The following ZNF429 variants were observed in gnomAD, a reference collection of about 807,000 sequenced individuals.
ZNF429 encodes the protein zinc finger protein 429.
A neutral mutation model predicts 56.8 loss-of-function variants in ZNF429; 53 were observed. That is an observed-to-expected ratio of 0.93 (90% CI 0.75 to 1.17). The LOEUF (loss-of-function observed/expected upper bound fraction) is 1.17. ZNF429 is among the 50% of genes most tolerant of loss of function. ZNF429 has a pLI of 0.00. For synonymous variants in ZNF429, 278 were observed against 264.7 expected, an observed-to-expected ratio of 1.05 and a Z score of -0.49; for missense variants, 849 against 788.4, an observed-to-expected ratio of 1.08 and a Z score of -0.92.
At chr19:21,525,407 C>T (rs1228371444) in intron 1 of ZNF429, among the ~76,000 whole-genome samples, 2 of 148,806 alleles carry the variant, frequency 1.3e-5, no homozygotes, top group Non-Finnish European at 3.0e-5. Flanking sequence ...CTGGAAGTAC[C>T]CCCACTGGCA....
At chr19:21,532,160 A>G in intron 3 of ZNF429, among the ~76,000 whole-genome samples, 1 of 152,160 alleles carries the variant, frequency 6.6e-6, no homozygotes, top group African/African-American at 2.4e-5. Context: ...TTTTGTATCT[A>G]TGGATTGAAA....
At chr19:21,509,157 C>T (rs531593962) in intron 1 of ZNF429, among the ~76,000 whole-genome samples, 95 of 152,030 alleles carry the variant, frequency 6.2e-4, no homozygotes, top group South Asian at 2.7e-3. Context: ...TACAGGCGCA[C>T]ACTGTCGCGC....
chr19:21,515,901 A>G (rs1036553197), intron 1 of ZNF429, among the ~76,000 whole-genome samples: 13 of 152,128 alleles, frequency 8.5e-5, no homozygotes, highest in Admixed American at 8.5e-4. Context: ...GTAGGTGTGC[A>G]GCATTATTTC....
chr19:21,527,315 G>T (rs2033207710), intron 1 of ZNF429, among the ~76,000 whole-genome samples: 1 of 152,142 alleles, frequency 6.6e-6, no homozygotes, highest in Admixed American at 6.5e-5. Flanking sequence ...TTGCCAAGTG[G>T]TTATCAGCCG....
rs1599445569 is a variant in ZNF429, at chr19:21,515,331, CT to C, written c.3+9558del. Reference sequence around the variant, plus strand: ...TGTGATTTTTCTTTGCATTTCTCTACTGATTAGTGATAAGAAAGAAATACTC... The same window carrying C: ...TGTGATTTTTCTTTGCATTTCTCTACGATTAGTGATAAGAAAGAAATACTC... On this transcript the variant is annotated intron_variant, in intron 1 of 3. Transcript: ENST00000358491. Among the ~76,000 whole-genome samples the C allele has an allele frequency of 4.7e-5, 7 of 148,670 alleles. No individual in the cohort carries two copies. The East Asian group carries it at 1.4e-3, about 30-fold the overall frequency.
chr19:21,513,031 C>T (rs530483916), intron 1 of ZNF429, among the ~76,000 whole-genome samples: 74 of 151,996 alleles, frequency 4.9e-4, no homozygotes, highest in African/African-American at 1.5e-3. Context: ...CCACCATGCC[C>T]GGCTAATTTT....
Position 21,524,442 on chromosome 19 carries a change from C to T in ZNF429, c.4-5216C>T, listed in dbSNP as rs187011570. 7.2e-5 allele frequency among the ~76,000 whole-genome samples: 11 copies of T among 152,090 alleles called. No homozygotes were observed. In the East Asian group the frequency reaches 1.7e-3, roughly 24 times the overall value. On this transcript the variant is annotated intron_variant, in intron 1 of 3. Transcript: ENST00000358491. ...GTTCAGGAGGCTAAGGCAGGAAAATCGCTTGAACCTAGGAGGCGGAGGTTA... is the reference window on the plus strand; with the variant it reads ...GTTCAGGAGGCTAAGGCAGGAAAATTGCTTGAACCTAGGAGGCGGAGGTTA...
chr19:21,510,733 C>T (rs6511257), intron 1 of ZNF429, among the ~76,000 whole-genome samples: 120,529 of 150,002 alleles, frequency 0.8, 49,042 homozygotes, highest in African/African-American at 0.94. Flanking sequence ...TGTGGCCTTC[C>T]GCAGTGTTTG....
At chr19:21,520,233 C>G (rs1397720110) in intron 1 of ZNF429, among the ~76,000 whole-genome samples, 1 of 152,164 alleles carries the variant, frequency 6.6e-6, no homozygotes, top group Admixed American at 6.5e-5. Context: ...CAAGTGTACA[C>G]AGGGTGCCCA....
intron 1 of ZNF429, among the ~76,000 whole-genome samples, chr19:21,512,797 TTA>T (rs1289641836): frequency 2.0e-5 from 3 of 152,168 alleles, no homozygotes; most frequent in Admixed American, 2.0e-4. Context: ...GCTACCATTT[TTA>T]TGAGAGCAAG....
chr19:21,512,903 A>T (rs1051558473), intron 1 of ZNF429, among the ~76,000 whole-genome samples: 2 of 148,620 alleles, frequency 1.3e-5, no homozygotes, highest in African/African-American at 2.5e-5. Context: ...ATGGAGTCTC[A>T]CTCTGTCTTG....
At chr19:21,523,324 G>C (rs982257262) in intron 1 of ZNF429, among the ~76,000 whole-genome samples, 1 of 152,094 alleles carries the variant, frequency 6.6e-6, no homozygotes, top group Non-Finnish European at 1.5e-5. Flanking sequence ...TTTTTAGGTC[G>C]GGGCGAAAGT....
intron 1 of ZNF429, among the ~76,000 whole-genome samples, chr19:21,514,339 C>T (rs180764550): frequency 6.6e-4 from 100 of 152,244 alleles, no homozygotes; most frequent in Middle Eastern, 3.4e-3. Flanking sequence ...TGTCCTCCTA[C>T]CCTCCACCCT....
chr19:21,533,276 G>A, intron 3 of ZNF429, among the ~76,000 whole-genome samples: 10 of 151,242 alleles, frequency 6.6e-5, no homozygotes, highest in African/African-American at 2.4e-4. Context: ...TAGTTCAGTT[G>A]TTTTCCCATT....
chr19:21,529,310 C>G (rs1420519192), intron 1 of ZNF429: 1 of 173,174 alleles, frequency 5.8e-6, no homozygotes, highest in Non-Finnish European at 1.1e-5. Context: ...TCTTTTTGAT[C>G]TGAAAAATAT....
At chr19:21,532,250 T>C in intron 3 of ZNF429, among the ~76,000 whole-genome samples, 1 of 152,236 alleles carries the variant, frequency 6.6e-6, no homozygotes, top group South Asian at 2.1e-4. Flanking sequence ...TTCAGTGTTT[T>C]TTTTTTCACA....
intron 3 of ZNF429, among the ~76,000 whole-genome samples, chr19:21,531,514 A>G: frequency 6.6e-6 from 1 of 152,224 alleles, no homozygotes; most frequent in Non-Finnish European, 1.5e-5. Flanking sequence ...TCAAAAAAAT[A>G]GAAAATAGGC....
intron 1 of ZNF429, among the ~76,000 whole-genome samples, chr19:21,519,364 G>A (rs1471897425): frequency 6.6e-6 from 1 of 152,144 alleles, no homozygotes; most frequent in Non-Finnish European, 1.5e-5. Context: ...GCACATTGAA[G>A]GTCATGAGAT....
intron 1 of ZNF429, among the ~76,000 whole-genome samples, chr19:21,506,760 G>GTTTTTTTTTTTTTT (rs539545648): frequency 2.5e-5 from 3 of 119,670 alleles, no homozygotes; most frequent in Non-Finnish European, 5.2e-5. Flanking sequence ...ATTTGAGTTA[G>GTTTTTTTTTTTTTT]TTTTTTGTTT....
Sources: gnomAD v4.1 joint callset for allele counts (sites outside exome capture counted in the v4.1 genomes callset) on GRCh38, gnomAD v4.1.1 for gene constraint, MANE v1.5 for transcripts, NCBI Gene and HGNC (gene_info 2026-07-23, HGNC 2026-07-21) for gene names.